The following TMTC2 variants were observed in gnomAD, a reference collection of about 807,000 sequenced individuals.
The protein encoded by TMTC2 is protein O-mannosyl-transferase TMTC2.
TMTC2 carries 43 observed loss-of-function variants against 82.4 expected under a neutral mutation model. That is an observed-to-expected ratio of 0.52 (90% CI 0.41 to 0.67). TMTC2 has a LOEUF of 0.67. Among genes scored for constraint, TMTC2 ranks in the 30% least tolerant of loss-of-function variants. The probability of loss-of-function intolerance (pLI) is 0.00; values close to 1 mark genes in which losing one functional copy is unlikely to be tolerated. For synonymous variants in TMTC2, 408 were observed against 381.9 expected (o/e 1.07, Z -0.80); for missense variants, 919 against 1,012.4 (o/e 0.91, Z 1.25).
Position 82,751,281 on chromosome 12 carries a change from A to T in TMTC2, c.83+63612A>T, listed in dbSNP as rs367982806. Among the ~76,000 whole-genome samples, 175 of 152,148 alleles carry T rather than the reference A, an allele frequency of 1.2e-3. 2 individuals are homozygous for T. In the East Asian group the frequency reaches 0.031, roughly 27 times the overall value. The stretch of plus-strand genomic sequence containing the variant: ...AAATTATCATTCTCAGTAAACTATC[A>T]CAAGGACAAAAAACCAAACACCGCA... On this transcript the variant is annotated intron_variant, in intron 1 of 11. Coordinates refer to ENST00000321196, the MANE Select transcript of TMTC2 (RefSeq NM_152588.3).
chr12:83,079,737 AG>A (rs1017391709), intron 11 of TMTC2, among the ~76,000 whole-genome samples: 3 of 152,194 alleles, frequency 2.0e-5, no homozygotes, highest in Non-Finnish European at 2.9e-5. Flanking sequence ...AAGACCAAAA[AG>A]GTTTTAAAAT....
At chr12:83,110,593 T>A (rs148713773) in intron 11 of TMTC2, among the ~76,000 whole-genome samples, 344 of 152,286 alleles carry the variant, frequency 2.3e-3, no homozygotes, top group Non-Finnish European at 3.5e-3. Flanking sequence ...TTGTTCTCAG[T>A]TCTAATTTTA....
At chr12:83,060,472 T>A (rs1882700451) in intron 10 of TMTC2, among the ~76,000 whole-genome samples, 1 of 151,764 alleles carries the variant, frequency 6.6e-6, no homozygotes, top group East Asian at 1.9e-4. Flanking sequence ...GTTCTCTTCA[T>A]CCTTTTCCTG....
At chr12:82,921,864 A>T (rs1183023878) in intron 3 of TMTC2, among the ~76,000 whole-genome samples, 1 of 151,956 alleles carries the variant, frequency 6.6e-6, no homozygotes, top group Non-Finnish European at 1.5e-5. Flanking sequence ...TTGCAAGATC[A>T]AGGTGGGAGG....
chr12:83,009,442 T>A lies in TMTC2; in HGVS notation c.2071-21356T>A, dbSNP rs74583597. Among the ~76,000 whole-genome samples the A allele has an allele frequency of 6.3e-4, 95 of 151,992 alleles. 1 individual carries two copies. Among genetic ancestry groups the A allele is most frequent in the Non-Finnish European group, 7.2e-4 (49 of 68,018 alleles). ...TGCCTATGAGATTTTTGGCTCGATT[T>A]GCTTCTGCGTCAGAAAAGCAGGTCT... On this transcript the variant is annotated intron_variant, in intron 8 of 11. Transcript: ENST00000321196.
At chr12:82,846,607 C>A (rs891752848) in intron 1 of TMTC2, among the ~76,000 whole-genome samples, 3 of 151,886 alleles carry the variant, frequency 2.0e-5, no homozygotes, top group Non-Finnish European at 4.4e-5. Flanking sequence ...TATTGCTTAT[C>A]GGAAAAACTC....
chr12:82,823,894 T>A (rs920704526), intron 1 of TMTC2, among the ~76,000 whole-genome samples: 3 of 118,794 alleles, frequency 2.5e-5, no homozygotes, highest in African/African-American at 5.4e-5. Flanking sequence ...CATTATTCTA[T>A]TTTTTTTTTT....
chr12:82,785,149 T>C (rs1878115237), intron 1 of TMTC2, among the ~76,000 whole-genome samples: 1 of 152,078 alleles, frequency 6.6e-6, no homozygotes, highest in African/African-American at 2.4e-5. Context: ...TTGAGGCCTC[T>C]CTTTAGACCC....
At chr12:83,130,324 C>A (rs910096985) in intron 11 of TMTC2, among the ~76,000 whole-genome samples, 2 of 152,158 alleles carry the variant, frequency 1.3e-5, no homozygotes, top group Non-Finnish European at 1.5e-5. Flanking sequence ...TAACAAAGTT[C>A]TTTTAGGAAG....
At chr12:82,841,413 A>G (rs1870328820) in intron 1 of TMTC2, among the ~76,000 whole-genome samples, 1 of 152,192 alleles carries the variant, frequency 6.6e-6, no homozygotes, top group Non-Finnish European at 1.5e-5. Context: ...CTTGCCTTCC[A>G]TGACAAATTA....
At chr12:83,116,402 G>A (rs1884763736) in intron 11 of TMTC2, among the ~76,000 whole-genome samples, 2 of 152,222 alleles carry the variant, frequency 1.3e-5, no homozygotes, top group African/African-American at 4.8e-5. Context: ...AAACATGCAT[G>A]TGCAAGTATC....
intron 1 of TMTC2, among the ~76,000 whole-genome samples, chr12:82,738,622 A>G (rs1482813979): frequency 6.6e-6 from 1 of 152,174 alleles, no homozygotes; most frequent in Non-Finnish European, 1.5e-5. Context: ...ATCACTTGGA[A>G]TAAATTGTCT....
At chr12:83,109,890 T>A (rs1419755541) in intron 11 of TMTC2, among the ~76,000 whole-genome samples, 2 of 152,226 alleles carry the variant, frequency 1.3e-5, no homozygotes, top group Admixed American at 1.3e-4. Flanking sequence ...TTTATGGATT[T>A]AATAACTCAC....
chr12:82,774,585 C>T (rs1877485296), intron 1 of TMTC2, among the ~76,000 whole-genome samples: 1 of 151,010 alleles, frequency 6.6e-6, no homozygotes, highest in Admixed American at 6.6e-5. Context: ...TGAGCCACTG[C>T]ACTCCAGCCT....
At chr12:82,736,949 A>C (rs1875158283) in intron 1 of TMTC2, among the ~76,000 whole-genome samples, 1 of 152,208 alleles carries the variant, frequency 6.6e-6, no homozygotes, top group South Asian at 2.1e-4. Context: ...CCCTATTTGT[A>C]TAAACTAATG....
intron 4 of TMTC2, among the ~76,000 whole-genome samples, chr12:82,938,698 T>A (rs755043291): frequency 1.3e-5 from 2 of 152,174 alleles, no homozygotes; most frequent in Admixed American, 6.5e-5. Context: ...ACCTGTGTTT[T>A]CATGTGGCAA....
At chr12:82,958,066 C>T (rs190824792) in intron 4 of TMTC2, among the ~76,000 whole-genome samples, 74 of 152,024 alleles carry the variant, frequency 4.9e-4, no homozygotes, top group Middle Eastern at 3.4e-3. Flanking sequence ...GGCAAAGACA[C>T]AAGGAAGAAA....
At chr12:83,040,679 C>CTTTTTT (rs750327519) in intron 9 of TMTC2, among the ~76,000 whole-genome samples, 2,032 of 123,932 alleles carry the variant, frequency 0.016, 10 homozygotes, top group East Asian at 0.026. Context: ...CTGTCCTTTT[C>CTTTTTT]TTTTTTTTTT....
rs563047284 is a variant in TMTC2 at position 83,059,838 on chromosome 12, A to G, written c.2268-1930A>G. On this transcript the variant is annotated intron_variant, in intron 10 of 11. Transcript: ENST00000321196. Reference sequence around the variant, plus strand: ...ATAAAGATGAATATTAATAGTAGCTATACTTTCCATGTTGGGCATCTATCT... The same window carrying G: ...ATAAAGATGAATATTAATAGTAGCTGTACTTTCCATGTTGGGCATCTATCT... Among the ~76,000 whole-genome samples, 8 of 151,852 alleles carry G rather than the reference A, an allele frequency of 5.3e-5. No individual in the cohort carries two copies. In the South Asian group the frequency reaches 6.2e-4, roughly 12 times the overall value.
Sources: allele counts gnomAD v4.1 joint callset (sites outside exome capture counted in the v4.1 genomes callset), GRCh38; gene constraint gnomAD v4.1.1; transcripts MANE v1.5; gene names NCBI Gene and HGNC (gene_info 2026-07-23, HGNC 2026-07-21).